The following DTWD1 variants were observed in gnomAD, a reference collection of about 807,000 sequenced individuals.
The protein encoded by DTWD1 is DTW motif tRNA-uridine aminocarboxypropyltransferase 1.
Under a neutral mutation model 30.2 loss-of-function variants are expected in DTWD1, and 27 were observed. That is an observed-to-expected ratio of 0.90 (90% CI 0.66 to 1.23). The LOEUF (loss-of-function observed/expected upper bound fraction) is 1.23. DTWD1 is among the 50% of genes most tolerant of loss of function. The pLI, the probability that DTWD1 is intolerant of heterozygous loss-of-function variation, is 0.00. For synonymous variants in DTWD1, 99 were observed against 113.1 expected (o/e 0.88, Z 0.79); for missense variants, 342 against 348.8 (o/e 0.98, Z 0.15).
chr15:49,634,908 A>T, intron 4 of DTWD1, 114 bp downstream of exon 4: 1 of 962,100 alleles, frequency 1.0e-6, no homozygotes, highest in Non-Finnish European at 1.5e-6. Context: ...ACATTTTGCC[A>T]TATTTACTTT....
rs758097134 is a variant in DTWD1, at chr15:49,632,164, A to G, written c.270A>G (p.Pro90=). Residue 90 remains proline, a synonymous_variant, in exon 3 of 5, where the codon CCA becomes CCG. Coordinates refer to ENST00000403028, the MANE Select transcript of DTWD1 (RefSeq NM_001144955.2). ...PIEQIPLVKL[P]LKIDIIKHPN... ...TGTGCTTTTTTTACCTTTAGCTTCC[A>G]TTGAAGATTGACATCATTAAACATC... The G allele has an allele frequency of 1.9e-6, 3 of 1,564,532 alleles. No individual in the cohort carries two copies. The highest frequency in any genetic ancestry group is 1.4e-5 in the African/African-American group (1 of 72,214).
rs1373163039 is a variant in DTWD1, at chr15:49,644,609, T to C, written c.*1031T>C. 1 of 152,190 alleles carries C rather than the reference T, an allele frequency of 6.6e-6. No homozygotes were observed. The highest frequency in any genetic ancestry group is 2.4e-5 in the African/African-American group (1 of 41,448). 9.4% of individuals were successfully genotyped at this position (152,190 alleles called of 1,614,324 possible). On this transcript the variant is annotated 3_prime_UTR_variant, in exon 5 of 5. Coordinates refer to ENST00000403028, the MANE Select transcript of DTWD1 (RefSeq NM_001144955.2). ...AGAAGTTGAGAGGAAAATGAAATGATGTTATTTATTTCCCTGGCTCCTTTC... is the reference window on the plus strand; with the variant it reads ...AGAAGTTGAGAGGAAAATGAAATGACGTTATTTATTTCCCTGGCTCCTTTC...
At chr15:49,636,179 T>C (rs1246400090) in intron 4 of DTWD1, among the ~76,000 whole-genome samples, 1 of 152,212 alleles carries the variant, frequency 6.6e-6, no homozygotes, top group Non-Finnish European at 1.5e-5. Context: ...CATGTATCAA[T>C]AGGTCATACA....
intron 1 of DTWD1, 139 bp from the exon 2 acceptor site, chr15:49,624,974 C>T: frequency 1.8e-6 from 1 of 540,794 alleles, no homozygotes; most frequent in East Asian, 3.1e-5. Context: ...TAAAGTGTGC[C>T]AATTTGGTGG....
At chr15:49,639,280 GCCA>G (rs1197723803) in intron 4 of DTWD1, among the ~76,000 whole-genome samples, 2 of 152,180 alleles carry the variant, frequency 1.3e-5, no homozygotes, top group African/African-American at 4.8e-5. Context: ...CTAGTTTTGA[GCCA>G]GGTGTAGTGG....
In DTWD1 at chr15:49,642,283, A is replaced by G. The variant is rs373979887; in HGVS notation, c.668-1048A>G. Among the ~76,000 whole-genome samples the G allele has an allele frequency of 8.9e-4, 135 of 152,286 alleles. 5 individuals are homozygous for G. The South Asian group carries it at 0.027, about 30-fold the overall frequency. ...AATTTGCAAAAACAAAAAATTAAAT[A>G]TAGTATGAGTCCAGTTACTGGCCTA... On this transcript the variant is annotated intron_variant, in intron 4 of 4. Coordinates refer to ENST00000403028, the MANE Select transcript of DTWD1 (RefSeq NM_001144955.2).
chr15:49,632,385 A>G (rs1802815158), intron 3 of DTWD1, 83 bp downstream of exon 3: 2 of 1,306,326 alleles, frequency 1.5e-6, no homozygotes, highest in Non-Finnish European at 2.1e-6. Flanking sequence ...ACTTACTCAA[A>G]CATAATTTAA....
Position 49,655,101 on chromosome 15 carries a change from G to C in DTWD1, c.*11523G>C, listed in dbSNP as rs949231166. 1.3e-5 allele frequency: 2 copies of C among 152,006 alleles called. No homozygotes were observed. Among genetic ancestry groups the C allele is most frequent in the Admixed American group, 6.6e-5 (1 of 15,224 alleles). 9.4% of individuals were successfully genotyped at this position (152,006 alleles called of 1,614,324 possible). A position where few individuals can be genotyped will look rare whatever the true frequency, so the allele number is the denominator to read the frequency against. On this transcript the variant is annotated 3_prime_UTR_variant, in exon 5 of 5. Transcript: ENST00000403028. ...TCCAAATCTAGCACATTGAGGTTTA[G>C]GGCTTCAACATATGAATTTCAGTGC...
At position 49,643,800 on chromosome 15, in the gene DTWD1, T is replaced by G; in HGVS notation, c.*222T>G. On this transcript the variant is annotated 3_prime_UTR_variant, in exon 5 of 5. Transcript: ENST00000403028. ...AAAACTTACTTCAGAAGTTATTTGC[T>G]CAGTGAAACCTCAGTTTCATTACTA... 2.5e-6 allele frequency: 1 copy of G among 399,336 alleles called. No individual in the cohort carries two copies. The highest frequency in any genetic ancestry group is 4.3e-6 in the Non-Finnish European group (1 of 231,714). The allele number at this position is 399,336 out of a possible 1,614,324, so 24.7% of individuals were successfully genotyped here.
Position 49,643,675 on chromosome 15 carries a change from T to C in DTWD1, c.*97T>C. 7.9e-7 allele frequency: 1 copy of C among 1,263,394 alleles called. No individual in the cohort carries two copies. The highest frequency in any genetic ancestry group is 1.0e-6 in the Non-Finnish European group (1 of 953,620). The allele number at this position is 1,263,394 out of a possible 1,614,324, so 78.3% of individuals were successfully genotyped here. A position where few individuals can be genotyped will look rare whatever the true frequency, so the allele number is the denominator to read the frequency against. ...TTAAGAAATAATCATATATAATGCC[T>C]GTAAGACCATTTGAAAAAATTCCAG... On this transcript the variant is annotated 3_prime_UTR_variant, in exon 5 of 5. Transcript: ENST00000403028.
At chr15:49,632,442 A>C in intron 3 of DTWD1, 140 bp downstream of exon 3, 1 of 790,156 alleles carries the variant, frequency 1.3e-6, no homozygotes, top group Non-Finnish European at 1.9e-6. Flanking sequence ...TAGACAATAT[A>C]CAGTTTATTT....
intron 1 of DTWD1, chr15:49,621,366 C>T (rs1160195435): frequency 6.6e-6 from 1 of 152,058 alleles, no homozygotes; most frequent in Non-Finnish European, 1.5e-5. Flanking sequence ...AATTATTTTT[C>T]CTACCAATGA....
intron 2 of DTWD1, chr15:49,630,000 T>C (rs2078897689): frequency 6.6e-6 from 1 of 152,116 alleles, no homozygotes; most frequent in South Asian, 2.1e-4. Flanking sequence ...AGCTGCTCCA[T>C]TCAAAAATAG....
chr15:49,632,047 A>T, intron 2 of DTWD1, 112 bp from the exon 3 acceptor site: 1 of 970,638 alleles, frequency 1.0e-6, no homozygotes, highest in Non-Finnish European at 1.6e-6. Context: ...AACCATATGC[A>T]TATTTATAGG....
Position 49,643,780 on chromosome 15 carries a change from T to G in DTWD1, c.*202T>G, listed in dbSNP as rs1431449233. 2.1e-6 allele frequency: 1 copy of G among 478,812 alleles called. No homozygotes were observed. The highest frequency in any genetic ancestry group is 2.0e-5 in the African/African-American group (1 of 49,568). The allele number at this position is 478,812 out of a possible 1,614,324, so 29.7% of individuals were successfully genotyped here. On this transcript the variant is annotated 3_prime_UTR_variant, in exon 5 of 5. Coordinates refer to ENST00000403028, the MANE Select transcript of DTWD1 (RefSeq NM_001144955.2). ...TCAGAGATACTGTTGATTGAAAAAC[T>G]TACTTCAGAAGTTATTTGCTCAGTG...
Position 49,649,881 on chromosome 15 carries a change from A to C in DTWD1, c.*6303A>C, listed in dbSNP as rs1455310595. The C allele has an allele frequency of 2.0e-5, 3 of 152,184 alleles. No individual in the cohort carries two copies. Among genetic ancestry groups the C allele is most frequent in the African/African-American group, 7.2e-5 (3 of 41,434 alleles). The allele number at this position is 152,184 out of a possible 1,614,324, so 9.4% of individuals were successfully genotyped here. ...ATGGCTATAGCATGCCGAGGTAGTA[A>C]GTGCTAAGAAGAAAATAAAGCAGAG... is the stretch of plus-strand genomic sequence containing the variant. On this transcript the variant is annotated 3_prime_UTR_variant, in exon 5 of 5. Transcript: ENST00000403028.
chr15:49,628,936 C>G (rs2078881819), intron 2 of DTWD1, among the ~76,000 whole-genome samples: 1 of 152,034 alleles, frequency 6.6e-6, no homozygotes, highest in African/African-American at 2.4e-5. Context: ...TGGTAGTTTG[C>G]TGCACCCATC....
At chr15:49,636,796 A>G (rs765695078) in intron 4 of DTWD1, among the ~76,000 whole-genome samples, 6 of 152,210 alleles carry the variant, frequency 3.9e-5, no homozygotes, top group Admixed American at 6.5e-5. Context: ...AGGTGAATTC[A>G]TACTTTATTG....
intron 2 of DTWD1, among the ~76,000 whole-genome samples, chr15:49,629,366 G>A (rs556684132): frequency 1.2e-4 from 18 of 152,014 alleles, no homozygotes; most frequent in Admixed American, 9.8e-4. Context: ...AATAGGCTAG[G>A]CACATGATTT....
Sources: gnomAD v4.1 joint callset for allele counts (sites outside exome capture counted in the v4.1 genomes callset) on GRCh38, gnomAD v4.1.1 for gene constraint, MANE v1.5 for transcripts, NCBI Gene and HGNC (gene_info 2026-07-23, HGNC 2026-07-21) for gene names.